PXYLP1: variants seen among roughly 807,000 people sequenced by gnomAD.
The protein encoded by PXYLP1 is 2-phosphoxylose phosphatase 1, also known as acid phosphatase-like 2.
A neutral mutation model predicts 37.9 loss-of-function variants in PXYLP1; 17 were observed. The observed-to-expected ratio is 0.45, with a 90% confidence interval of 0.31 to 0.67. The LOEUF (loss-of-function observed/expected upper bound fraction) is 0.67, where lower values mean the gene tolerates loss of function less well. Ranked by LOEUF, PXYLP1 falls within the 30% of genes least tolerant of loss-of-function variation. The probability of loss-of-function intolerance (pLI) is 0.07; values close to 1 mark genes in which losing one functional copy is unlikely to be tolerated. For missense variants in PXYLP1, 511 were observed against 612.0 expected, an observed-to-expected ratio of 0.84 and a Z score of 1.74; for synonymous variants, 221 against 232.2, an observed-to-expected ratio of 0.95 and a Z score of 0.44.
intron 1 of PXYLP1, among the ~76,000 whole-genome samples, chr3:141,252,073 C>G (rs922622218): frequency 6.6e-6 from 1 of 152,162 alleles, no homozygotes; most frequent in South Asian, 2.1e-4. Flanking sequence ...CTCATTATCA[C>G]GTAGAGCAGG....
intron 1 of PXYLP1, among the ~76,000 whole-genome samples, chr3:141,245,639 G>A (rs1185603913): frequency 6.6e-6 from 1 of 152,174 alleles, no homozygotes; most frequent in Non-Finnish European, 1.5e-5. Flanking sequence ...GGAATGACAA[G>A]TCATAGAAAA....
At chr3:141,241,071 C>T (rs1940786639) in intron 1 of PXYLP1, among the ~76,000 whole-genome samples, 2 of 152,160 alleles carry the variant, frequency 1.3e-5, no homozygotes, top group South Asian at 4.1e-4. Flanking sequence ...CCTCTCCAGC[C>T]CCCACCCCAA....
At chr3:141,257,925 A>G (rs867440013) in intron 1 of PXYLP1, among the ~76,000 whole-genome samples, 2,220 of 135,538 alleles carry the variant, frequency 0.016, 59 homozygotes, top group African/African-American at 0.072. Context: ...AAAAAAAAAA[A>G]AGAGAGAGAG....
intron 1 of PXYLP1, among the ~76,000 whole-genome samples, chr3:141,252,159 G>A (rs1941154090): frequency 1.3e-5 from 2 of 152,080 alleles, no homozygotes; most frequent in Non-Finnish European, 2.9e-5. Context: ...AAATGAGGTG[G>A]GATTTGTGGG....
intron 2 of PXYLP1, among the ~76,000 whole-genome samples, chr3:141,260,569 A>G (rs16851254): frequency 0.042 from 6,348 of 152,176 alleles, 298 homozygotes; most frequent in East Asian, 0.2. Context: ...AGAGGTGTTT[A>G]GCCCTTTGAT....
chr3:141,248,598 TATATATACACAC>T lies in PXYLP1; in HGVS notation c.-53-11524_-53-11513del, dbSNP rs1941031857. ...ACACATGTATATATACACACACGTG[TATATATACACAC>T]GTATATATACACACACGTATATATA... On this transcript the variant is annotated intron_variant, in intron 1 of 5. Coordinates refer to ENST00000286353, the MANE Select transcript of PXYLP1 (RefSeq NM_001037172.3). 2.6e-4 allele frequency among the ~76,000 whole-genome samples: 11 copies of T among 43,074 alleles called. 1 individual carries two copies. Among genetic ancestry groups the T allele is most frequent in the Non-Finnish European group, 3.4e-4 (9 of 26,300 alleles). 28.3% of individuals were successfully genotyped at this position (43,074 alleles called of 152,430 possible).
chr3:141,282,015 T>G (rs766335407), intron 4 of PXYLP1, among the ~76,000 whole-genome samples: 1 of 152,002 alleles, frequency 6.6e-6, no homozygotes, highest in Non-Finnish European at 1.5e-5. Flanking sequence ...GTGTGGAAGA[T>G]GGATTGGAAG....
Position 141,260,209 on chromosome 3 carries a change from G to A in PXYLP1, c.34G>A (p.Ala12Thr), listed in dbSNP as rs1352802360. The A allele has an allele frequency of 2.5e-6, 4 of 1,613,594 alleles. No individual in the cohort carries two copies. Among genetic ancestry groups the A allele is most frequent in the Non-Finnish European group, 3.4e-6 (4 of 1,180,014 alleles). ...LFRNRFLLLLALAALLAFVSL... is the reference protein window; with the variant it reads ...LFRNRFLLLLTLAALLAFVSL... ...CCGCAACCGCTTCTTGCTGCTGCTG[G>A]CCCTGGCTGCGCTGCTGGCCTTTGT... The change falls in exon 2 of 6, where the codon GCC (alanine) becomes ACC (threonine). Residue 12 changes from alanine to threonine, a missense_variant. By Grantham distance (58) the Ala-to-Thr change is moderately conservative (BLOSUM62 0). Coordinates refer to ENST00000286353, the MANE Select transcript of PXYLP1 (RefSeq NM_001037172.3).
At chr3:141,246,890 A>G (rs1013518893) in intron 1 of PXYLP1, among the ~76,000 whole-genome samples, 1 of 152,222 alleles carries the variant, frequency 6.6e-6, no homozygotes, top group Admixed American at 6.5e-5. Context: ...TATTCAGGCA[A>G]TAACTGGTCT....
intron 5 of PXYLP1, among the ~76,000 whole-genome samples, chr3:141,291,048 T>C (rs936366689): frequency 2.6e-5 from 4 of 152,206 alleles, no homozygotes; most frequent in Admixed American, 2.6e-4. Context: ...GGGAGTTCTG[T>C]TCTCAATACT....
intron 1 of PXYLP1, among the ~76,000 whole-genome samples, chr3:141,233,743 G>A (rs1315354442): frequency 6.6e-6 from 1 of 152,234 alleles, no homozygotes; most frequent in Non-Finnish European, 1.5e-5. Context: ...ACAGCACTCC[G>A]AGTGTTTGTG....
chr3:141,239,123 C>T (rs1291514522), intron 1 of PXYLP1, among the ~76,000 whole-genome samples: 1 of 151,782 alleles, frequency 6.6e-6, no homozygotes, highest in East Asian at 1.9e-4. Flanking sequence ...GCAAATAATG[C>T]CAACCTTTTG....
intron 4 of PXYLP1, among the ~76,000 whole-genome samples, chr3:141,283,141 A>AT (rs11355634): frequency 0.057 from 8,285 of 144,850 alleles, 411 homozygotes; most frequent in African/African-American, 0.13. Flanking sequence ...TAATTTTTGT[A>AT]TTTTTTTTTT....
intron 1 of PXYLP1, among the ~76,000 whole-genome samples, chr3:141,252,546 A>G (rs1941165088): frequency 6.6e-6 from 1 of 152,190 alleles, no homozygotes. Context: ...TAACAGAGCT[A>G]GAGCTCACTC....
intron 1 of PXYLP1, among the ~76,000 whole-genome samples, chr3:141,244,353 G>A (rs1388995251): frequency 1.4e-5 from 2 of 145,184 alleles, no homozygotes; most frequent in African/African-American, 5.4e-5. Flanking sequence ...GTTTCCCTCT[G>A]TCATTACTCA....
At chr3:141,259,391 A>T (rs1305882193) in intron 1 of PXYLP1, among the ~76,000 whole-genome samples, 4 of 147,308 alleles carry the variant, frequency 2.7e-5, no homozygotes, top group Non-Finnish European at 1.5e-5. Context: ...GTAGTCATTC[A>T]TTTTTTTTTT....
chr3:141,243,770 T>C (rs1940871986), intron 1 of PXYLP1, among the ~76,000 whole-genome samples: 1 of 152,212 alleles, frequency 6.6e-6, no homozygotes, highest in African/African-American at 2.4e-5. Flanking sequence ...CCTAAGCACC[T>C]CCACTGCTAC....
intron 3 of PXYLP1, 119 bp from the exon 4 acceptor site, chr3:141,279,259 C>CCCTG: frequency 7.6e-7 from 1 of 1,320,064 alleles, no homozygotes; most frequent in South Asian, 1.4e-5. Flanking sequence ...CCACGGTGGC[C>CCCTG]CCTGCTGCCT....
intron 2 of PXYLP1, chr3:141,262,609 T>G: frequency 3.4e-6 from 5 of 1,477,964 alleles, no homozygotes; most frequent in Non-Finnish European, 4.5e-6. Context: ...CATACTTTTT[T>G]AAGGAAAATT....
Sources: allele counts gnomAD v4.1 joint callset (sites outside exome capture counted in the v4.1 genomes callset), GRCh38; gene constraint gnomAD v4.1.1; transcripts MANE v1.5; gene names NCBI Gene and HGNC (gene_info 2026-07-23, HGNC 2026-07-21).